The following USP43 variants were observed in gnomAD, a reference collection of about 807,000 sequenced individuals.
USP43 encodes ubiquitin specific peptidase 43.
A neutral mutation model predicts 90.7 loss-of-function variants in USP43; 33 were observed. That is an observed-to-expected ratio of 0.36 (90% CI 0.28 to 0.49). The LOEUF is 0.49. Among genes scored for constraint, USP43 ranks in the 20% least tolerant of loss-of-function variants. The pLI, the probability that USP43 is intolerant of heterozygous loss-of-function variation, is 0.98. For synonymous variants in USP43, 598 were observed against 615.8 expected, an observed-to-expected ratio of 0.97 and a Z score of 0.43; for missense variants, 1,274 against 1,476.4, an observed-to-expected ratio of 0.86 and a Z score of 2.25.
At chr17:9,649,623 G>A (rs909436072) in intron 1 of USP43, among the ~76,000 whole-genome samples, 6 of 144,760 alleles carry the variant, frequency 4.1e-5, no homozygotes, top group African/African-American at 7.7e-5. Flanking sequence ...GTGAGAATAC[G>A]CAATATTTGA....
At chr17:9,723,941 G>T (rs74252915) in intron 14 of USP43, among the ~76,000 whole-genome samples, 1 of 151,978 alleles carries the variant, frequency 6.6e-6, no homozygotes, top group Non-Finnish European at 1.5e-5. Context: ...GGTCAGTCAC[G>T]TTTTTCAGTC....
chr17:9,681,650 C>CG (rs1780444594), intron 6 of USP43, among the ~76,000 whole-genome samples: 1 of 150,320 alleles, frequency 6.7e-6, no homozygotes, highest in Non-Finnish European at 1.5e-5. Flanking sequence ...TCTGCCACCA[C>CG]GCTTGGCTAG....
rs1228202742 is a variant in USP43, at chr17:9,727,935, G to A, written c.2336-19G>A. 6.3e-7 allele frequency: 1 copy of A among 1,583,918 alleles called. No homozygotes were observed. Among genetic ancestry groups the A allele is most frequent in the Non-Finnish European group, 8.6e-7 (1 of 1,162,774 alleles). On this transcript the variant is annotated intron_variant, in intron 14 of 14. Coordinates refer to ENST00000285199, the MANE Select transcript of USP43 (RefSeq NM_153210.5). ...CTGTAGGGTGGCTTGTACACTGACA[G>A]TCTCTCTGTCTCTTTCAGGAGGGTT...
At chr17:9,664,927 G>A (rs774550152) in intron 2 of USP43, among the ~76,000 whole-genome samples, 14 of 152,260 alleles carry the variant, frequency 9.2e-5, no homozygotes, top group African/African-American at 1.2e-4. Context: ...GTGAGCCAGC[G>A]CGCCCAGTCA....
intron 7 of USP43, among the ~76,000 whole-genome samples, chr17:9,683,961 C>A (rs1264320619): frequency 1.3e-5 from 2 of 151,948 alleles, no homozygotes; most frequent in Non-Finnish European, 2.9e-5. Flanking sequence ...CACGGTGAAA[C>A]CCCATCTCTA....
intron 7 of USP43, among the ~76,000 whole-genome samples, chr17:9,683,293 C>T (rs1412001320): frequency 6.6e-6 from 1 of 151,968 alleles, no homozygotes; most frequent in Admixed American, 6.6e-5. Context: ...GGTTGTCTGT[C>T]CAGAAAACCA....
intron 9 of USP43, among the ~76,000 whole-genome samples, chr17:9,695,942 C>T (rs1394449774): frequency 2.6e-5 from 4 of 152,138 alleles, no homozygotes; most frequent in African/African-American, 7.2e-5. Context: ...TTGTAGCACG[C>T]ATTAGAATTT....
chr17:9,697,768 T>A (rs1041236465), intron 9 of USP43, among the ~76,000 whole-genome samples: 9 of 152,010 alleles, frequency 5.9e-5, no homozygotes, highest in African/African-American at 2.2e-4. Flanking sequence ...CTCCATGGCC[T>A]TACTATTATG....
At position 9,729,646 on chromosome 17, in the gene USP43, A is replaced by G. The variant is rs1478007069; in HGVS notation, c.*656A>G. 6.6e-6 allele frequency: 1 copy of G among 152,200 alleles called. No individual in the cohort carries two copies. The allele number at this position is 152,200 out of a possible 1,614,324, so 9.4% of individuals were successfully genotyped here. A position where few individuals can be genotyped will look rare whatever the true frequency, so the allele number is the denominator to read the frequency against. On this transcript the variant is annotated 3_prime_UTR_variant, in exon 15 of 15. Transcript: ENST00000285199. ...AAAAAGTCCATTTTTTAATTTAAAT[A>G]TGAGATCTATGTACAATTTTAATAA...
At position 9,728,622 on chromosome 17, in the gene USP43, G is replaced by A. The variant is rs1216468129; in HGVS notation, c.3004G>A (p.Val1002Met). ...LQGTLTLLRS[V>M]FRKKENRRNE... ...GGGGACACTCACCCTTCTGAGGTCCGTGTTTCGGAAGAAGGAGAACAGGAG... is the reference window on the plus strand; with the variant it reads ...GGGGACACTCACCCTTCTGAGGTCCATGTTTCGGAAGAAGGAGAACAGGAG... Residue 1002 changes from valine (V) to methionine (M), a missense_variant, in exon 15 of 15, where the codon GTG becomes ATG. Val to Met is a conservative substitution (Grantham distance 21). Transcript: ENST00000285199. This position sits in a 1 kb window ranked among gnomAD's most constrained non-coding sequence, Gnocchi z 6.2. 3.1e-6 allele frequency: 5 copies of A among 1,613,648 alleles called. No homozygotes were observed. Among genetic ancestry groups the A allele is most frequent in the East Asian group, 2.2e-5 (1 of 44,882 alleles).
At chr17:9,660,397 C>A (rs971713000) in intron 2 of USP43, among the ~76,000 whole-genome samples, 1 of 152,196 alleles carries the variant, frequency 6.6e-6, no homozygotes, top group Non-Finnish European at 1.5e-5. Context: ...GATCCGCCTG[C>A]CTTGGCCTCC....
At chr17:9,647,167 G>A (rs1911487862) in intron 1 of USP43, 1 of 151,838 alleles carries the variant, frequency 6.6e-6, no homozygotes, top group African/African-American at 2.4e-5. Flanking sequence ...TGTTGTTCTT[G>A]GGGGAGGGGG....
chr17:9,671,504 G>A (rs1913437521), intron 3 of USP43, among the ~76,000 whole-genome samples: 1 of 152,192 alleles, frequency 6.6e-6, no homozygotes, highest in African/African-American at 2.4e-5. Context: ...TGTGTATTTG[G>A]CAGCAGTTAA....
chr17:9,700,075 C>T, intron 9 of USP43, 97 bp from the exon 10 acceptor site: 7 of 1,177,276 alleles, frequency 5.9e-6, no homozygotes, highest in Non-Finnish European at 8.4e-6. Context: ...CTGTTTGGAA[C>T]ATCAGTCCTT....
At chr17:9,689,331 A>C (rs546609132) in intron 8 of USP43, among the ~76,000 whole-genome samples, 4 of 152,296 alleles carry the variant, frequency 2.6e-5, no homozygotes, top group African/African-American at 9.6e-5. Flanking sequence ...GAGAACAGGA[A>C]AGTTTCTTAC....
In USP43 at chr17:9,672,030, C is replaced by T. The variant is rs112664862; in HGVS notation, c.741-2861C>T. Among the ~76,000 whole-genome samples the T allele has an allele frequency of 4.5e-3, 692 of 152,150 alleles. 6 individuals are homozygous for T. The highest frequency in any genetic ancestry group is 0.016 in the African/African-American group (667 of 41,502). ...TATTTTTTTGAGACAGAGTTTTGCT[C>T]TTGTCACCCATGCTGGAGTGCAATG... On this transcript the variant is annotated intron_variant, in intron 3 of 14. Transcript: ENST00000285199.
intron 2 of USP43, 84 bp from the exon 3 acceptor site, chr17:9,666,564 A>G (rs1913048985): frequency 9.1e-7 from 1 of 1,096,758 alleles, no homozygotes; most frequent in African/African-American, 1.6e-5. Context: ...CGGGCCCAGG[A>G]GGAAGCATGG....
intron 14 of USP43, among the ~76,000 whole-genome samples, chr17:9,718,035 A>G (rs566246697): frequency 6.6e-6 from 1 of 152,070 alleles, no homozygotes; most frequent in South Asian, 2.1e-4. Flanking sequence ...TCATCTCGTG[A>G]TCTGCCCACC....
chr17:9,729,157 A>G lies in USP43; in HGVS notation c.*167A>G. 1 of 539,352 alleles carries G rather than the reference A, an allele frequency of 1.9e-6. No homozygotes were observed. Among genetic ancestry groups the G allele is most frequent in the Non-Finnish European group, 2.9e-6 (1 of 341,388 alleles). The allele number at this position is 539,352 out of a possible 1,614,324, so 33.4% of individuals were successfully genotyped here. ...GGGTCTCCATATCTAGACTTCCAAC[A>G]CCCAAGGTCCATATAACCCAAGGTC... is the stretch of plus-strand genomic sequence containing the variant. On this transcript the variant is annotated 3_prime_UTR_variant, in exon 15 of 15. Transcript: ENST00000285199.
Sources: allele counts gnomAD v4.1 joint callset (sites outside exome capture counted in the v4.1 genomes callset), GRCh38; gene constraint gnomAD v4.1.1; non-coding constraint Gnocchi (gnomAD v3.1); transcripts MANE v1.5; gene names NCBI Gene and HGNC (gene_info 2026-07-23, HGNC 2026-07-21).